RPS6KA5: variants seen among roughly 807,000 people sequenced by gnomAD.
RPS6KA5 encodes the protein ribosomal protein S6 kinase A5.
RPS6KA5 carries 27 observed loss-of-function variants against 85.5 expected under a neutral mutation model. That is an observed-to-expected ratio of 0.32 (90% CI 0.23 to 0.44). RPS6KA5 has a LOEUF of 0.44. Among genes scored for constraint, RPS6KA5 ranks in the 20% least tolerant of loss-of-function variants. The pLI is 1.00. For missense variants in RPS6KA5, 811 were observed against 980.9 expected (o/e 0.83, Z 2.31); for synonymous variants, 334 against 348.2 (o/e 0.96, Z 0.46).
chr14:90,894,691 T>TAC, intron 12 of RPS6KA5, 108 bp from the exon 13 acceptor site: 1 of 1,260,368 alleles, frequency 7.9e-7, no homozygotes, highest in African/African-American at 1.5e-5. Context: ...AATAATCCCC[T>TAC]GTTAAAATAA....
intron 3 of RPS6KA5, among the ~76,000 whole-genome samples, chr14:90,968,600 T>C (rs12881624): frequency 4.6e-5 from 7 of 152,162 alleles, no homozygotes; most frequent in African/African-American, 1.7e-4. Flanking sequence ...TAACCTCTTG[T>C]TACTAGAGTC....
chr14:90,986,134 T>C (rs1169495244), intron 2 of RPS6KA5, among the ~76,000 whole-genome samples: 4 of 152,150 alleles, frequency 2.6e-5, no homozygotes, highest in African/African-American at 9.7e-5. Flanking sequence ...TTAACCTACA[T>C]TCAGAGTCCT....
At position 90,862,733 on chromosome 14, in the gene RPS6KA5, G is replaced by T. The variant is rs1237844555; in HGVS notation, c.*9341C>A. ...TCCTCTTGGCCTCCCAAAGTGTTGGGATTACAGGTGTGAGATACCACACCC... is the reference window on the plus strand; with the variant it reads ...TCCTCTTGGCCTCCCAAAGTGTTGGTATTACAGGTGTGAGATACCACACCC... On this transcript the variant is annotated 3_prime_UTR_variant, in exon 17 of 17. Coordinates refer to ENST00000614987, the MANE Select transcript of RPS6KA5 (RefSeq NM_004755.4). 1 of 152,078 alleles carries T rather than the reference G, an allele frequency of 6.6e-6. No individual in the cohort carries two copies. Among genetic ancestry groups the T allele is most frequent in the Non-Finnish European group, 1.5e-5 (1 of 68,046 alleles). 9.4% of individuals were successfully genotyped at this position (152,078 alleles called of 1,614,324 possible). A position where few individuals can be genotyped will look rare whatever the true frequency, so the allele number is the denominator to read the frequency against.
At chr14:91,016,866 C>CA (rs34806962) in intron 1 of RPS6KA5, among the ~76,000 whole-genome samples, 1,952 of 120,732 alleles carry the variant, frequency 0.016, 33 homozygotes, top group African/African-American at 0.045. Flanking sequence ...TCTAAACAGG[C>CA]AAAAAAAAAA....
At chr14:91,057,044 T>C (rs2043354009) in intron 1 of RPS6KA5, among the ~76,000 whole-genome samples, 1 of 151,596 alleles carries the variant, frequency 6.6e-6, no homozygotes, top group Non-Finnish European at 1.5e-5. Context: ...CATGCCCAGC[T>C]AATTTTTTGT....
At chr14:91,042,693 C>T (rs999955131) in intron 1 of RPS6KA5, among the ~76,000 whole-genome samples, 5 of 152,030 alleles carry the variant, frequency 3.3e-5, no homozygotes, top group African/African-American at 7.3e-5. Context: ...TATCCTCTAC[C>T]TCTTCCTTCC....
At chr14:90,957,546 C>G (rs1280660408) in intron 3 of RPS6KA5, among the ~76,000 whole-genome samples, 1 of 152,160 alleles carries the variant, frequency 6.6e-6, no homozygotes, top group Non-Finnish European at 1.5e-5. Context: ...GGCTGTCTGC[C>G]TCTTGCTGGT....
intron 5 of RPS6KA5, among the ~76,000 whole-genome samples, chr14:90,931,506 T>A (rs1566756243): frequency 6.6e-6 from 1 of 152,166 alleles, no homozygotes; most frequent in African/African-American, 2.4e-5. Flanking sequence ...AAGATGGCAA[T>A]TTTTGTTTTG....
intron 6 of RPS6KA5, among the ~76,000 whole-genome samples, chr14:90,920,957 C>CT (rs1228105907): frequency 1.3e-5 from 2 of 152,032 alleles, no homozygotes; most frequent in Non-Finnish European, 2.9e-5. Context: ...GTCTTGAACT[C>CT]TTAGGGTCAA....
intron 3 of RPS6KA5, among the ~76,000 whole-genome samples, chr14:90,960,569 G>C (rs1454889352): frequency 6.6e-6 from 1 of 151,944 alleles, no homozygotes; most frequent in Non-Finnish European, 1.5e-5. Context: ...TTTTCAACTG[G>C]GCATAAATTA....
Position 90,872,161 on chromosome 14 carries a change from A to T in RPS6KA5, c.2322T>A (p.Thr774=). The T allele has an allele frequency of 1.2e-6, 2 of 1,613,844 alleles. No individual in the cohort carries two copies. Among genetic ancestry groups the T allele is most frequent in the Non-Finnish European group, 1.7e-6 (2 of 1,179,944 alleles). ...TGGGCTGCAGTGTCTTGGTGGGTGTAGTTTTACCGTGAGAATGAGAGGAAG... is the reference window on the plus strand; with the variant it reads ...TGGGCTGCAGTGTCTTGGTGGGTGTTGTTTTACCGTGAGAATGAGAGGAAG... ...HSSSSHSHGK[T]TPTKTLQPSN... The change falls in exon 17 of 17, where the codon ACT becomes ACA. Residue 774 remains threonine (T), a synonymous_variant. Coordinates refer to ENST00000614987, the MANE Select transcript of RPS6KA5 (RefSeq NM_004755.4).
At chr14:90,953,081 T>C (rs951429999) in intron 3 of RPS6KA5, among the ~76,000 whole-genome samples, 1 of 152,130 alleles carries the variant, frequency 6.6e-6, no homozygotes, top group Non-Finnish European at 1.5e-5. Context: ...GGCACATTTA[T>C]ATAAAAAGAA....
At chr14:90,969,289 AT>A (rs1407362928) in intron 3 of RPS6KA5, among the ~76,000 whole-genome samples, 1 of 152,184 alleles carries the variant, frequency 6.6e-6, no homozygotes, top group Non-Finnish European at 1.5e-5. Context: ...CTCCATCAAA[AT>A]TCTGACTTTC....
intron 3 of RPS6KA5, among the ~76,000 whole-genome samples, chr14:90,966,525 A>C (rs1464209025): frequency 6.6e-6 from 1 of 152,262 alleles, no homozygotes; most frequent in African/African-American, 2.4e-5. Flanking sequence ...TAGTAGGCAC[A>C]TACAAAATTA....
chr14:90,957,344 C>T (rs528276651), intron 3 of RPS6KA5, among the ~76,000 whole-genome samples: 2 of 152,314 alleles, frequency 1.3e-5, no homozygotes, highest in East Asian at 1.9e-4. Flanking sequence ...GGATTACCGT[C>T]ATGAGCCACT....
intron 2 of RPS6KA5, among the ~76,000 whole-genome samples, chr14:90,996,672 T>C (rs1346301629): frequency 2.0e-5 from 3 of 152,286 alleles, no homozygotes; most frequent in Admixed American, 6.5e-5. Context: ...TGTACTAATA[T>C]TTTTACTACG....
At chr14:90,963,986 T>C (rs1251191905) in intron 3 of RPS6KA5, among the ~76,000 whole-genome samples, 5 of 152,282 alleles carry the variant, frequency 3.3e-5, no homozygotes, top group Non-Finnish European at 5.9e-5. Flanking sequence ...CTTTAGAATA[T>C]ATCCTCTTCA....
intron 3 of RPS6KA5, among the ~76,000 whole-genome samples, chr14:90,966,001 T>C (rs1348141503): frequency 6.6e-6 from 1 of 152,206 alleles, no homozygotes; most frequent in Non-Finnish European, 1.5e-5. Flanking sequence ...TAAGGCCTAA[T>C]GTGCAGCTAT....
In RPS6KA5 at chr14:90,854,204, A is replaced by G. The variant is rs1336162925; in HGVS notation, c.*17870T>C. The G allele has an allele frequency of 8.0e-6, 1 of 125,716 alleles. No homozygotes were observed. The highest frequency in any genetic ancestry group is 2.0e-4 in the East Asian group (1 of 5,028). The allele number at this position is 125,716 out of a possible 1,614,324, so 7.8% of individuals were successfully genotyped here. A position where few individuals can be genotyped will look rare whatever the true frequency, so the allele number is the denominator to read the frequency against. ...AAGGAGCCTGATGTATGAAGATTTGACATTGTAATTTATAATTCCTAAGTA... is the reference window on the plus strand; with the variant it reads ...AAGGAGCCTGATGTATGAAGATTTGGCATTGTAATTTATAATTCCTAAGTA... On this transcript the variant is annotated 3_prime_UTR_variant, in exon 17 of 17. Transcript: ENST00000614987.
Sources: allele counts gnomAD v4.1 joint callset (sites outside exome capture counted in the v4.1 genomes callset), GRCh38; gene constraint gnomAD v4.1.1; transcripts MANE v1.5; gene names NCBI Gene and HGNC (gene_info 2026-07-23, HGNC 2026-07-21).